Variants in SORCS2 observed in about 807,000 individuals in gnomAD.
The protein encoded by SORCS2 is VPS10 domain-containing receptor SorCS2.
Under a neutral mutation model 141.6 loss-of-function variants are expected in SORCS2, and 100 were observed. The ratio of observed to expected loss-of-function variants is 0.71; its 90% confidence interval spans 0.60 to 0.83. SORCS2 has a LOEUF of 0.83. SORCS2 is among the 40% of genes least tolerant of loss of function. The pLI is 0.00. For missense variants in SORCS2, 1,646 were observed against 1,560.2 expected (o/e 1.05, Z -0.93); for synonymous variants, 789 against 676.9 (o/e 1.17, Z -2.57).
At chr4:7,616,619 A>T (rs1445007234) in intron 3 of SORCS2, among the ~76,000 whole-genome samples, 1 of 152,204 alleles carries the variant, frequency 6.6e-6, no homozygotes, top group Non-Finnish European at 1.5e-5. Flanking sequence ...GGGTCACACC[A>T]AGCCCAAAAG....
intron 2 of SORCS2, among the ~76,000 whole-genome samples, chr4:7,403,739 C>T (rs1431986738): frequency 2.0e-5 from 3 of 150,776 alleles, no homozygotes; most frequent in African/African-American, 7.3e-5. Flanking sequence ...TTTAATTTTT[C>T]TTTAAATTTT....
At chr4:7,703,229 AC>A in intron 12 of SORCS2, 50 bp from the exon 13 acceptor site, 1 of 1,483,668 alleles carries the variant, frequency 6.7e-7, no homozygotes, top group Non-Finnish European at 9.2e-7. Flanking sequence ...GCCTGGAACA[AC>A]CTCCGACCTT....
At chr4:7,728,489 C>G (rs941050482) in intron 22 of SORCS2, 27 bp downstream of exon 22, 3 of 1,549,782 alleles carry the variant, frequency 1.9e-6, no homozygotes, top group African/African-American at 2.7e-5. Context: ...TAGAGCCTCC[C>G]CAGCCCCACG....
chr4:7,495,568 C>T (rs1158993351), intron 2 of SORCS2, among the ~76,000 whole-genome samples: 2 of 152,190 alleles, frequency 1.3e-5, no homozygotes, highest in Non-Finnish European at 2.9e-5. Flanking sequence ...AGGCCCCAAG[C>T]CCGGGGCCTC....
chr4:7,455,713 T>A (rs1269348364), intron 2 of SORCS2, among the ~76,000 whole-genome samples: 1 of 151,066 alleles, frequency 6.6e-6, no homozygotes, highest in African/African-American at 2.4e-5. Flanking sequence ...AGGAGCTTTG[T>A]TGGGGTCAGG....
chr4:7,330,969 G>A (rs1221077228), intron 1 of SORCS2, among the ~76,000 whole-genome samples: 2 of 152,140 alleles, frequency 1.3e-5, no homozygotes, highest in East Asian at 1.9e-4. Context: ...ACCCTCCTGC[G>A]AGGGAGAGGA....
At chr4:7,578,536 G>A (rs1229632269) in intron 3 of SORCS2, among the ~76,000 whole-genome samples, 1 of 152,238 alleles carries the variant, frequency 6.6e-6, no homozygotes, top group Admixed American at 6.5e-5. Context: ...TGCTAAGCCT[G>A]AGCCAGTTGA....
intron 11 of SORCS2, among the ~76,000 whole-genome samples, chr4:7,692,436 G>A (rs1195792209): frequency 6.6e-6 from 1 of 152,218 alleles, no homozygotes; most frequent in East Asian, 1.9e-4. Context: ...AGTTTCATCT[G>A]CAAAATGAGA....
At position 7,300,321 on chromosome 4, in the gene SORCS2, G is replaced by T. The variant is rs531525140; in HGVS notation, c.481-95967G>T. Among the ~76,000 whole-genome samples the T allele has an allele frequency of 6.6e-5, 10 of 152,206 alleles. No homozygotes were observed. The East Asian group carries it at 1.4e-3, about 21-fold the overall frequency. ...CTGGGCAGAAAAGCGGGCGGAGGGT[G>T]GGGGGTACTTTTCTGGGAACCCAGC... On this transcript the variant is annotated intron_variant, in intron 1 of 26. Coordinates refer to ENST00000507866, the MANE Select transcript of SORCS2 (RefSeq NM_020777.3).
intron 2 of SORCS2, among the ~76,000 whole-genome samples, chr4:7,465,294 C>G (rs892000997): frequency 3.9e-5 from 6 of 152,212 alleles, no homozygotes; most frequent in Non-Finnish European, 5.9e-5. Flanking sequence ...TGTCTTTGCA[C>G]TGTTAATACT....
chr4:7,634,682 G>A (rs182609543), intron 3 of SORCS2, among the ~76,000 whole-genome samples: 4 of 152,294 alleles, frequency 2.6e-5, no homozygotes, highest in South Asian at 4.1e-4. Flanking sequence ...CCTCAAGCGC[G>A]GGCTGTGCGT....
At chr4:7,472,750 C>T (rs1055431807) in intron 2 of SORCS2, among the ~76,000 whole-genome samples, 2 of 152,148 alleles carry the variant, frequency 1.3e-5, no homozygotes, top group African/African-American at 4.8e-5. Context: ...AGACTGGTCC[C>T]CGCTGGAGGG....
At chr4:7,521,955 G>A (rs554179851) in intron 2 of SORCS2, among the ~76,000 whole-genome samples, 3 of 152,346 alleles carry the variant, frequency 2.0e-5, no homozygotes, top group South Asian at 2.1e-4. Flanking sequence ...GGAGCACACC[G>A]GCTTCCCTTC....
chr4:7,338,039 T>C (rs1197925334), intron 1 of SORCS2, among the ~76,000 whole-genome samples: 2 of 152,188 alleles, frequency 1.3e-5, no homozygotes, highest in Admixed American at 6.5e-5. Flanking sequence ...GGTTTTGAGC[T>C]CTATAGTGAC....
intron 2 of SORCS2, among the ~76,000 whole-genome samples, chr4:7,427,949 C>T (rs933761735): frequency 2.6e-5 from 4 of 151,292 alleles, no homozygotes; most frequent in Admixed American, 6.6e-5. Flanking sequence ...CCCCTGAGGG[C>T]GGGGGGATGG....
intron 3 of SORCS2, among the ~76,000 whole-genome samples, chr4:7,552,371 G>A (rs1175847153): frequency 3.9e-5 from 6 of 152,166 alleles, no homozygotes; most frequent in Non-Finnish European, 7.3e-5. Flanking sequence ...AGGGCAAAGA[G>A]GGTGGCTTGG....
intron 2 of SORCS2, among the ~76,000 whole-genome samples, chr4:7,527,448 C>A (rs984310036): frequency 6.6e-6 from 1 of 152,152 alleles, no homozygotes; most frequent in Non-Finnish European, 1.5e-5. Flanking sequence ...CAGAGTGGAG[C>A]GATAGACTCT....
At position 7,316,604 on chromosome 4, in the gene SORCS2, A is replaced by G. The variant is rs188128368; in HGVS notation, c.481-79684A>G. Among the ~76,000 whole-genome samples the G allele has an allele frequency of 1.8e-4, 27 of 152,358 alleles. No homozygotes were observed. The East Asian group carries it at 5.0e-3, about 28-fold the overall frequency. ...CGTGCCTTTACACAGATTAAATGTG[A>G]TAACGAATTTAAAGTGCTTGGCTTA... On this transcript the variant is annotated intron_variant, in intron 1 of 26. Coordinates refer to ENST00000507866, the MANE Select transcript of SORCS2 (RefSeq NM_020777.3).
At chr4:7,564,816 A>G (rs1372540830) in intron 3 of SORCS2, among the ~76,000 whole-genome samples, 1 of 152,242 alleles carries the variant, frequency 6.6e-6, no homozygotes. Flanking sequence ...TCGAGAAAGA[A>G]AAGAAGCAAA....
Sources: allele counts gnomAD v4.1 joint callset (sites outside exome capture counted in the v4.1 genomes callset), GRCh38; gene constraint gnomAD v4.1.1; transcripts MANE v1.5; gene names NCBI Gene and HGNC (gene_info 2026-07-23, HGNC 2026-07-21).